The following LARGE1 variants were observed in gnomAD, a reference collection of about 807,000 sequenced individuals.
LARGE1 encodes the protein LARGE xylosyl- and glucuronyltransferase 1, also known as xylosyl- and glucuronyltransferase LARGE1.
Under a neutral mutation model 87.6 loss-of-function variants are expected in LARGE1, and 43 were observed. The observed-to-expected ratio is 0.49, with a 90% CI of 0.38 to 0.63. The LOEUF (loss-of-function observed/expected upper bound fraction) is 0.63. Ranked by LOEUF, LARGE1 falls within the 30% of genes least tolerant of loss-of-function variation. The pLI, the probability that LARGE1 is intolerant of heterozygous loss-of-function variation, is 0.00. For missense variants in LARGE1, 802 were observed against 1,000.2 expected (o/e 0.80, Z 2.67); for synonymous variants, 434 against 394.6 (o/e 1.10, Z -1.18).
chr22:33,290,130 G>A (rs1315690367), intron 12 of LARGE1, among the ~76,000 whole-genome samples: 1 of 152,110 alleles, frequency 6.6e-6, no homozygotes, highest in East Asian at 1.9e-4. Flanking sequence ...ACCTGACCCT[G>A]GCTGTTGATC....
intron 9 of LARGE1, among the ~76,000 whole-genome samples, chr22:33,358,051 T>G (rs531077710): frequency 6.6e-6 from 1 of 152,284 alleles, no homozygotes; most frequent in East Asian, 1.9e-4. Flanking sequence ...AGATCCCGCA[T>G]ACAAGCCACA....
At chr22:33,696,243 C>A (rs1053088182) in intron 2 of LARGE1, among the ~76,000 whole-genome samples, 1 of 105,876 alleles carries the variant, frequency 9.4e-6, no homozygotes, top group Non-Finnish European at 1.9e-5. Context: ...ATTTTTCTTT[C>A]TTTCTTTCTT....
At chr22:33,306,444 A>C (rs1934940272) in intron 11 of LARGE1, among the ~76,000 whole-genome samples, 1 of 152,132 alleles carries the variant, frequency 6.6e-6, no homozygotes, top group Non-Finnish European at 1.5e-5. Context: ...CTGGGCATGA[A>C]GAGAGGACCA....
chr22:33,080,185 C>CA, the LARGE1 span, among the ~76,000 whole-genome samples: 2 of 152,214 alleles, frequency 1.3e-5, no homozygotes, highest in Non-Finnish European at 2.9e-5. Context: ...ATAATTATTG[C>CA]AAGCACTTAT....
chr22:33,301,911 T>C (rs1449038018), intron 12 of LARGE1, among the ~76,000 whole-genome samples: 1 of 152,184 alleles, frequency 6.6e-6, no homozygotes. Context: ...TTCATACGTA[T>C]TGCTTTTTAA....
chr22:33,347,377 T>C (rs991937750), intron 9 of LARGE1, among the ~76,000 whole-genome samples: 1 of 152,250 alleles, frequency 6.6e-6, no homozygotes, highest in Admixed American at 6.5e-5. Context: ...TAGTATTCAG[T>C]AGCTGCCCTT....
At chr22:33,678,899 A>C (rs530116274) in intron 2 of LARGE1, among the ~76,000 whole-genome samples, 2 of 152,208 alleles carry the variant, frequency 1.3e-5, no homozygotes, top group Non-Finnish European at 2.9e-5. Flanking sequence ...ATAGTTGATC[A>C]CTACAGAAAT....
At chr22:33,728,035 A>C (rs1023534632) in intron 2 of LARGE1, among the ~76,000 whole-genome samples, 1 of 152,156 alleles carries the variant, frequency 6.6e-6, no homozygotes, top group Non-Finnish European at 1.5e-5. Context: ...ATATAAACAG[A>C]GAGAAAACCC....
intron 1 of LARGE1, among the ~76,000 whole-genome samples, chr22:33,853,197 A>G (rs957777642): frequency 1.3e-5 from 2 of 152,184 alleles, no homozygotes; most frequent in Non-Finnish European, 2.9e-5. Flanking sequence ...CAATTTGATG[A>G]TAGAACCAGG....
intron 5 of LARGE1, among the ~76,000 whole-genome samples, chr22:33,583,997 C>T (rs1382282830): frequency 6.6e-6 from 1 of 152,116 alleles, no homozygotes; most frequent in East Asian, 1.9e-4. Context: ...CCTGACCAGT[C>T]CTGGATGTTA....
At chr22:33,722,813 G>A (rs1569404915) in intron 2 of LARGE1, among the ~76,000 whole-genome samples, 1 of 152,200 alleles carries the variant, frequency 6.6e-6, no homozygotes, top group African/African-American at 2.4e-5. Flanking sequence ...ACAACACAGA[G>A]ACAGAAAAGG....
intron 1 of LARGE1, among the ~76,000 whole-genome samples, chr22:33,783,961 C>T (rs1455439287): frequency 6.6e-6 from 1 of 152,118 alleles, no homozygotes; most frequent in East Asian, 1.9e-4. Flanking sequence ...GTTGGTAAGG[C>T]CAATCAGTTC....
chr22:33,824,556 C>G (rs759107010), intron 1 of LARGE1, among the ~76,000 whole-genome samples: 2 of 152,140 alleles, frequency 1.3e-5, no homozygotes, highest in Non-Finnish European at 2.9e-5. Context: ...GGTGGGGACA[C>G]AGAGCCAAAC....
At chr22:33,633,802 C>G (rs1032654627) in intron 3 of LARGE1, among the ~76,000 whole-genome samples, 4 of 152,316 alleles carry the variant, frequency 2.6e-5, no homozygotes, top group Admixed American at 2.0e-4. Context: ...CAGGCAAGAC[C>G]TCCCAGAGGA....
rs1926060689 is a variant in LARGE1, at chr22:33,232,603, C to T, written c.1731-65771G>A. 2.6e-5 allele frequency among the ~76,000 whole-genome samples: 4 copies of T among 152,162 alleles called. No homozygotes were observed. The South Asian group carries it at 8.3e-4, about 32-fold the overall frequency. ...TATTTGGAAAGCCTTGACCCTTTAG[C>T]TTTCTTATTTTGGCTTTTGCCTTCC... On this transcript the variant is annotated intron_variant, in intron 11 of 11. Transcript: ENST00000608642.
chr22:33,625,162 A>G (rs1249515908), intron 4 of LARGE1, among the ~76,000 whole-genome samples: 1 of 152,166 alleles, frequency 6.6e-6, no homozygotes, highest in East Asian at 1.9e-4. Context: ...CATCCACCCA[A>G]CAGGTTTCCA....
At chr22:33,307,254 C>T (rs1935033578) in intron 11 of LARGE1, among the ~76,000 whole-genome samples, 1 of 152,180 alleles carries the variant, frequency 6.6e-6, no homozygotes, top group African/African-American at 2.4e-5. Context: ...TCACCACCCT[C>T]TTACAGGCAA....
intron 1 of LARGE1, among the ~76,000 whole-genome samples, chr22:33,842,410 T>C (rs1218133914): frequency 7.0e-6 from 1 of 142,704 alleles, no homozygotes; most frequent in Non-Finnish European, 1.5e-5. Flanking sequence ...ACATATTTCT[T>C]CGGATTTTTA....
chr22:33,353,516 C>G (rs981751933), intron 9 of LARGE1, among the ~76,000 whole-genome samples: 1 of 151,566 alleles, frequency 6.6e-6, no homozygotes, highest in Non-Finnish European at 1.5e-5. Flanking sequence ...GAGAAAACCA[C>G]GCTGAAGGAT....
Sources: allele counts gnomAD v4.1 joint callset (sites outside exome capture counted in the v4.1 genomes callset), GRCh38; gene constraint gnomAD v4.1.1; transcripts MANE v1.5; gene names NCBI Gene and HGNC (gene_info 2026-07-23, HGNC 2026-07-21).